SYNE2: variants seen among roughly 807,000 people sequenced by gnomAD.
The protein encoded by SYNE2 is spectrin repeat containing nuclear envelope protein 2.
A neutral mutation model predicts 856.3 loss-of-function variants in SYNE2; 431 were observed. That is an observed-to-expected ratio of 0.50 (90% confidence interval 0.47 to 0.55). The LOEUF (loss-of-function observed/expected upper bound fraction) is 0.55, where lower values mean the gene tolerates loss of function less well. Ranked by LOEUF, SYNE2 falls within the 20% of genes least tolerant of loss-of-function variation. SYNE2 has a pLI of 0.00. For synonymous variants in SYNE2, 2,923 were observed against 2,872.3 expected (o/e 1.02, Z -0.56); for missense variants, 8,129 against 8,023.2 (o/e 1.01, Z -0.50).
intron 1 of SYNE2, among the ~76,000 whole-genome samples, chr14:63,903,127 C>A (rs1237379980): frequency 6.6e-6 from 1 of 152,184 alleles, no homozygotes; most frequent in African/African-American, 2.4e-5. Context: ...GAAATGTCAG[C>A]AGTTTCTCAC....
At position 64,002,765 on chromosome 14, in the gene SYNE2, T is replaced by C. The variant is rs1280322603; in HGVS notation, c.3832T>C (p.Leu1278=). 1.2e-6 allele frequency: 2 copies of C among 1,613,850 alleles called. No individual in the cohort carries two copies. The highest frequency in any genetic ancestry group is 1.1e-5 in the South Asian group (1 of 91,060). ...AAAACAGATTGAAATATGTAACCGC[T>C]TAGAAGAGCCAGGCAACTTTGTATT... ...IAKQIEICNR[L]EEPGNFVLKE... Residue 1278 remains leucine, a synonymous_variant, in exon 30 of 116, where the codon TTA becomes CTA. Coordinates refer to ENST00000555002, the MANE Select transcript of SYNE2 (RefSeq NM_182914.3).
At chr14:63,858,585 T>C (rs1892581579) in intron 1 of SYNE2, among the ~76,000 whole-genome samples, 1 of 152,080 alleles carries the variant, frequency 6.6e-6, no homozygotes, top group Non-Finnish European at 1.5e-5. Flanking sequence ...CTCAGCCTGA[T>C]TTATTCCTTT....
chr14:64,188,759 G>A (rs375454126), intron 98 of SYNE2, 51 bp downstream of exon 98: 3 of 1,600,302 alleles, frequency 1.9e-6, no homozygotes, highest in African/African-American at 1.3e-5. Context: ...TGGAATTGTC[G>A]GCCCTCCTCA....
At chr14:63,772,788 T>G (rs1167697867) in intron 1 of SYNE2, among the ~76,000 whole-genome samples, 1 of 152,068 alleles carries the variant, frequency 6.6e-6, no homozygotes, top group African/African-American at 2.4e-5. Flanking sequence ...CATTACTTTT[T>G]TTTTTGGAGA....
chr14:63,975,018 T>G (rs2096531192), intron 11 of SYNE2, among the ~76,000 whole-genome samples: 1 of 150,052 alleles, frequency 6.7e-6, no homozygotes, highest in African/African-American at 2.4e-5. Context: ...TGACGTCACT[T>G]AACACACTTT....
intron 99 of SYNE2, chr14:64,191,157 T>G (rs1183366724): frequency 2.6e-6 from 1 of 382,772 alleles, no homozygotes; most frequent in Admixed American, 4.4e-5. Flanking sequence ...AATTTATTAT[T>G]TAAATTAAAT....
At chr14:64,104,660 A>G (rs2097759826) in intron 64 of SYNE2, among the ~76,000 whole-genome samples, 1 of 152,030 alleles carries the variant, frequency 6.6e-6, no homozygotes, top group Admixed American at 6.6e-5. Context: ...CATGTTGGCC[A>G]GGCTAGTCTT....
chr14:64,074,038 A>G lies in SYNE2; in HGVS notation c.10768A>G (p.Lys3590Glu), dbSNP rs1451948377. 3 of 1,614,224 alleles carry G rather than the reference A, an allele frequency of 1.9e-6. No individual in the cohort carries two copies. Among genetic ancestry groups the G allele is most frequent in the Middle Eastern group, 1.6e-4 (1 of 6,062 alleles). The change falls in exon 53 of 116, where the codon AAA becomes GAA. Residue 3590 changes from lysine to glutamate, a missense_variant. Around this residue, in one of 3 missense-constraint regions of SYNE2, gnomAD observed 5,410 missense variants for 5,284.8 expected, o/e 1.02. Transcript: ENST00000555002. The stretch of plus-strand genomic sequence containing the variant: ...AATCCAAGAAAGACATTCCTTCACA[A>G]AAGAGATAATTGCTTTGAAGAATTT... ...TEIQERHSFT[K>E]EIIALKNFFQ...
At chr14:63,852,392 G>C (rs1007769713), upstream of SYNE2, among the ~76,000 whole-genome samples, 3 of 152,114 alleles carry the variant, frequency 2.0e-5, no homozygotes, top group Non-Finnish European at 4.4e-5. Flanking sequence ...TTCAGACCTG[G>C]ATGATGTATG....
At chr14:63,913,859 T>A (rs1353394797) in intron 2 of SYNE2, among the ~76,000 whole-genome samples, 2 of 151,440 alleles carry the variant, frequency 1.3e-5, no homozygotes, top group South Asian at 2.1e-4. Flanking sequence ...AATTTAATTT[T>A]AAATTTTTAA....
intron 27 of SYNE2, 137 bp downstream of exon 27, chr14:63,999,177 T>G: frequency 1.1e-6 from 1 of 879,784 alleles, no homozygotes; most frequent in South Asian, 1.5e-5. Flanking sequence ...TGGATTGCAT[T>G]TCTAGTGTCA....
rs909446353 is a variant in SYNE2 at position 63,767,074 on chromosome 14, G to A, written c.-305+5088G>A. On this transcript the variant is annotated intron_variant, in intron 1 of 23. Coordinates refer to the SYNE2 transcript ENST00000674003. ...TTAAATATGCCAAAATGGCAGGGGC[G>A]TTTTGTTCAGCCTGCACAATCTTTT... 2.6e-5 allele frequency among the ~76,000 whole-genome samples: 4 copies of A among 151,352 alleles called. No individual in the cohort carries two copies. In the South Asian group the frequency reaches 8.3e-4, roughly 32 times the overall value.
rs183148244 is a variant in SYNE2, at chr14:64,100,555, T to G, written c.12382-1377T>G. ...AAATATATATATATATATATATATATATATATATATATATATTTATGACAT... is the reference window on the plus strand; with the variant it reads ...AAATATATATATATATATATATATAGATATATATATATATATTTATGACAT... On this transcript the variant is annotated intron_variant, in intron 63 of 115. Transcript: ENST00000555002. Among the ~76,000 whole-genome samples, 796 of 122,046 alleles carry G rather than the reference T, an allele frequency of 6.5e-3. 59 individuals are homozygous for G. The highest frequency in any genetic ancestry group is 0.062 in the East Asian group (209 of 3,368). 80.1% of individuals were successfully genotyped at this position (122,046 alleles called of 152,430 possible). A position where few individuals can be genotyped will look rare whatever the true frequency, so the allele number is the denominator to read the frequency against.
intron 7 of SYNE2, among the ~76,000 whole-genome samples, chr14:63,952,640 A>T (rs1478726108): frequency 6.6e-6 from 1 of 152,234 alleles, no homozygotes; most frequent in East Asian, 1.9e-4. Context: ...AATATGTCAT[A>T]GGTTGTTATA....
intron 78 of SYNE2, among the ~76,000 whole-genome samples, chr14:64,136,045 C>A (rs1157329846): frequency 6.6e-6 from 1 of 152,008 alleles, no homozygotes; most frequent in African/African-American, 2.4e-5. Flanking sequence ...ATCCTAGCAC[C>A]TTAGGAGGCC....
intron 1 of SYNE2, among the ~76,000 whole-genome samples, chr14:63,867,495 C>T (rs1367810686): frequency 1.3e-5 from 2 of 151,408 alleles, no homozygotes; most frequent in Non-Finnish European, 2.9e-5. Flanking sequence ...GTCAGGAATT[C>T]GACACCAGCC....
At position 64,051,729 on chromosome 14, in the gene SYNE2, G is replaced by A. The variant is rs201069405; in HGVS notation, c.7816G>A (p.Gly2606Ser). The A allele has an allele frequency of 1.2e-5, 19 of 1,614,168 alleles. No individual in the cohort carries two copies. Among genetic ancestry groups the A allele is most frequent in the African/African-American group, 5.3e-5 (4 of 75,054 alleles). The change falls in exon 48 of 116, where the codon GGT becomes AGT. Residue 2606 changes from glycine (G) to serine (S), a missense_variant. This residue lies in a region of SYNE2 where 5,410 missense variants were observed against 5,284.8 expected (regional missense o/e 1.02). Transcript: ENST00000555002. ...AAGCCAGATTAAGCAACTTGAACATGGTTGGGAACAAGTGGAACAGCAGAT... is the reference window on the plus strand; with the variant it reads ...AAGCCAGATTAAGCAACTTGAACATAGTTGGGAACAAGTGGAACAGCAGAT... ...LESQIKQLEH[G>S]WEQVEQQIQK...
chr14:64,018,031 C>T (rs1464036487), intron 34 of SYNE2, among the ~76,000 whole-genome samples: 1 of 152,124 alleles, frequency 6.6e-6, no homozygotes, highest in African/African-American at 2.4e-5. Flanking sequence ...ATTTTGATAA[C>T]TATCATGTAA....
intron 71 of SYNE2, 39 bp from the exon 72 acceptor site, chr14:64,126,288 G>C (rs1480188107): frequency 8.9e-6 from 14 of 1,579,114 alleles, no homozygotes; most frequent in Non-Finnish European, 1.2e-5. Flanking sequence ...GAAGGCAAAG[G>C]TATCTTAATT....
Sources: gnomAD v4.1 joint callset for allele counts (sites outside exome capture counted in the v4.1 genomes callset) on GRCh38, gnomAD v4.1.1 for gene constraint, gnomAD v4.1.1 regional missense constraint, MANE v1.5 for transcripts, NCBI Gene and HGNC (gene_info 2026-07-23, HGNC 2026-07-21) for gene names.